Variants in RWDD1 observed in about 807,000 individuals in gnomAD.
The protein encoded by RWDD1 is RWD domain containing 1.
Under a neutral mutation model 31.6 loss-of-function variants are expected in RWDD1, and 17 were observed. The ratio of observed to expected loss-of-function variants is 0.54; its 90% CI spans 0.37 to 0.81. The LOEUF is 0.81. RWDD1 is among the 30% of genes least tolerant of loss of function. The pLI, the probability that RWDD1 is intolerant of heterozygous loss-of-function variation, is 0.00. For synonymous variants in RWDD1, 78 were observed against 94.2 expected, an observed-to-expected ratio of 0.83 and a Z score of 0.99; for missense variants, 204 against 274.5, an observed-to-expected ratio of 0.74 and a Z score of 1.82.
intron 1 of RWDD1, among the ~76,000 whole-genome samples, chr6:116,578,331 A>C (rs1160435083): frequency 6.6e-6 from 1 of 152,220 alleles, no homozygotes. Flanking sequence ...AGCATATCTC[A>C]TACTTGATGG....
chr6:116,583,994 T>A (rs1264004100), intron 2 of RWDD1, among the ~76,000 whole-genome samples: 1 of 152,198 alleles, frequency 6.6e-6, no homozygotes, highest in Non-Finnish European at 1.5e-5. Flanking sequence ...GATGGCACTC[T>A]GGGAAAAAGG....
rs3798400 is a variant in RWDD1 at position 116,581,302 on chromosome 6, A to G, written c.139+942A>G. On this transcript the variant is annotated intron_variant, in intron 2 of 6. Coordinates refer to ENST00000466444, the MANE Select transcript of RWDD1 (RefSeq NM_015952.4). ...CCTTTGTAAATAAGCCAGTGGCATGATTTGGGCTTCATATGATGCCATTAT... is the reference window on the plus strand; with the variant it reads ...CCTTTGTAAATAAGCCAGTGGCATGGTTTGGGCTTCATATGATGCCATTAT... 1.1e-4 allele frequency among the ~76,000 whole-genome samples: 16 copies of G among 152,236 alleles called. No individual in the cohort carries two copies. The East Asian group carries it at 3.1e-3, about 29-fold the overall frequency.
chr6:116,573,097 C>A, intron 1 of RWDD1: 1 of 721,860 alleles, frequency 1.4e-6, no homozygotes, highest in Non-Finnish European at 1.7e-6. Context: ...TTGGTCATTT[C>A]CAGTACTTTG....
In RWDD1 at chr6:116,594,744, T is replaced by C. The variant is rs893297654; in HGVS notation, c.*1643T>C. ...GCAAGTTATTCAGTCACTACAGTTT[T>C]GGAGGACTGACTCTTAACCCCAATA... On this transcript the variant is annotated 3_prime_UTR_variant, in exon 7 of 7. Coordinates refer to ENST00000466444, the MANE Select transcript of RWDD1 (RefSeq NM_015952.4). 6 of 152,212 alleles carry C rather than the reference T, an allele frequency of 3.9e-5. No individual in the cohort carries two copies. Among genetic ancestry groups the C allele is most frequent in the African/African-American group, 1.4e-4 (6 of 41,446 alleles). The allele number at this position is 152,212 out of a possible 1,614,324, so 9.4% of individuals were successfully genotyped here.
chr6:116,591,599 A>G (rs934348299), intron 6 of RWDD1, among the ~76,000 whole-genome samples: 1 of 152,236 alleles, frequency 6.6e-6, no homozygotes, highest in African/African-American at 2.4e-5. Context: ...TCATCGATTC[A>G]TTCAGAAATA....
chr6:116,581,555 A>C (rs1384137689), intron 2 of RWDD1, among the ~76,000 whole-genome samples: 2 of 152,014 alleles, frequency 1.3e-5, no homozygotes, highest in Non-Finnish European at 2.9e-5. Context: ...CCTGCATTGT[A>C]CTTTTTTTTC....
chr6:116,581,246 A>G (rs750885751), intron 2 of RWDD1, among the ~76,000 whole-genome samples: 3 of 152,102 alleles, frequency 2.0e-5, no homozygotes, highest in Non-Finnish European at 4.4e-5. Flanking sequence ...TAAATACTAT[A>G]CTGACTGTTC....
At chr6:116,589,791 C>G (rs1775105581) in intron 4 of RWDD1, among the ~76,000 whole-genome samples, 1 of 152,058 alleles carries the variant, frequency 6.6e-6, no homozygotes, top group Non-Finnish European at 1.5e-5. Context: ...GAAGCAAAAG[C>G]AGAAACCCCT....
At chr6:116,590,510 G>A in intron 5 of RWDD1, 106 bp downstream of exon 5, 1 of 1,356,912 alleles carries the variant, frequency 7.4e-7, no homozygotes, top group Non-Finnish European at 9.8e-7. Flanking sequence ...AATATACATA[G>A]GCATCTAGGA....
At chr6:116,576,659 G>A (rs1027496533) in intron 1 of RWDD1, among the ~76,000 whole-genome samples, 1 of 152,156 alleles carries the variant, frequency 6.6e-6, no homozygotes, top group Non-Finnish European at 1.5e-5. Flanking sequence ...TAGGATCTCA[G>A]CTTGGGGAAA....
chr6:116,594,226 C>T lies in RWDD1; in HGVS notation c.*1125C>T, dbSNP rs9481646. On this transcript the variant is annotated 3_prime_UTR_variant, in exon 7 of 7. Transcript: ENST00000466444. ...TCTACCTGCTATAACCCAAACACCC[C>T]ACCAGCCCCCATCTCCCAACACCAC... 0.11 allele frequency: 16,563 copies of T among 151,898 alleles called. 1,053 individuals carry two copies. The highest frequency in any genetic ancestry group is 0.18 in the Admixed American group (2,705 of 15,254). The allele number at this position is 151,898 out of a possible 1,614,324, so 9.4% of individuals were successfully genotyped here.
chr6:116,588,989 T>C lies in RWDD1; in HGVS notation c.414+4T>C, dbSNP rs753897864. On this transcript the variant is annotated splice_donor_region_variant and intron_variant, in intron 4 of 6. Transcript: ENST00000466444. ...AGAAGCAGAAGAAGCTGAAAAGGTA[T>C]ATTTAAAAGCCTTGTTTTCTTTTAT... 3.0e-6 allele frequency: 4 copies of C among 1,344,758 alleles called. No homozygotes were observed. The highest frequency in any genetic ancestry group is 2.0e-4 in the Middle Eastern group (1 of 5,122). 83.3% of individuals were successfully genotyped at this position (1,344,758 alleles called of 1,614,324 possible).
chr6:116,574,005 G>C, intron 1 of RWDD1: 1 of 984,364 alleles, frequency 1.0e-6, no homozygotes, highest in East Asian at 1.1e-4. Flanking sequence ...TGTTGCATTT[G>C]TTGTGATTAT....
chr6:116,588,760 T>C, intron 3 of RWDD1, 82 bp from the exon 4 acceptor site: 2 of 931,462 alleles, frequency 2.1e-6, no homozygotes, highest in South Asian at 4.2e-5. Flanking sequence ...ACATAGAATA[T>C]AACCAAATTA....
At chr6:116,591,717 T>G (rs1189091029) in intron 6 of RWDD1, among the ~76,000 whole-genome samples, 1 of 152,264 alleles carries the variant, frequency 6.6e-6, no homozygotes, top group East Asian at 1.9e-4. Flanking sequence ...CTGGGCTCCA[T>G]ACTCAGTCAC....
intron 1 of RWDD1, among the ~76,000 whole-genome samples, chr6:116,575,445 ATCTT>A (rs1452415976): frequency 6.6e-6 from 1 of 152,168 alleles, no homozygotes; most frequent in Admixed American, 6.5e-5. Flanking sequence ...GTGAAGACTA[ATCTT>A]TCTTCTACTT....
At chr6:116,588,239 T>C (rs976855959) in intron 3 of RWDD1, among the ~76,000 whole-genome samples, 7 of 152,324 alleles carry the variant, frequency 4.6e-5, no homozygotes, top group Admixed American at 3.9e-4. Flanking sequence ...TAATCTCTGC[T>C]TCTAGCACTG....
At chr6:116,573,971 A>G (rs1774792594) in intron 1 of RWDD1, 5 of 982,824 alleles carry the variant, frequency 5.1e-6, no homozygotes, top group African/African-American at 3.5e-5. Flanking sequence ...TGCTTTGACT[A>G]TTTGCAAAGA....
intron 3 of RWDD1, among the ~76,000 whole-genome samples, chr6:116,586,724 GA>G (rs1403800530): frequency 1.3e-5 from 2 of 152,140 alleles, no homozygotes; most frequent in Non-Finnish European, 2.9e-5. Context: ...TTGAATAAAT[GA>G]AAAGAATGAA....
Sources: allele counts gnomAD v4.1 joint callset (sites outside exome capture counted in the v4.1 genomes callset), GRCh38; gene constraint gnomAD v4.1.1; transcripts MANE v1.5; gene names NCBI Gene and HGNC (gene_info 2026-07-23, HGNC 2026-07-21).